Variants in PDLIM2 observed in about 807,000 individuals in gnomAD.
The protein encoded by PDLIM2 is PDZ and LIM domain protein 2.
A neutral mutation model predicts 54.1 loss-of-function variants in PDLIM2; 51 were observed. The ratio of observed to expected loss-of-function variants is 0.94; its 90% confidence interval spans 0.75 to 1.19. The LOEUF (loss-of-function observed/expected upper bound fraction) is 1.19, where lower values mean the gene tolerates loss of function less well. Ranked by LOEUF, PDLIM2 falls within the 50% of genes most tolerant of loss-of-function variation. PDLIM2 has a pLI of 0.00. For missense variants in PDLIM2, 912 were observed against 874.0 expected (o/e 1.04, Z -0.55); for synonymous variants, 398 against 385.6 (o/e 1.03, Z -0.38).
rs369965465 is a variant in PDLIM2 at position 22,585,023 on chromosome 8, G to C, written c.1072G>C (p.Val358Leu). 305 of 1,613,762 alleles carry C rather than the reference G, an allele frequency of 1.9e-4. No individual in the cohort carries two copies. Among genetic ancestry groups the C allele is most frequent in the Non-Finnish European group, 2.5e-4 (294 of 1,179,944 alleles). The change falls in exon 5 of 10, where the codon GTG becomes CTG. Residue 358 changes from valine to leucine, a missense_variant. Val to Leu is a conservative substitution (Grantham distance 32, BLOSUM62 1). Coordinates refer to ENST00000308354, the Ensembl canonical transcript of PDLIM2. ...ACAGTCACTCTCTCCACAGGGCTCC[G>C]TGAGGACATACACTGAGAGTCAGTC...
At chr8:22,579,677 T>G in intron 1 of PDLIM2, 1 of 981,712 alleles carries the variant, frequency 1.0e-6, no homozygotes, top group Non-Finnish European at 1.4e-6. Context: ...CTCGCAGCAC[T>G]TGCGTCCCCA....
At chr8:22,580,689 G>T in exon 2 of PDLIM2, 1 of 1,613,990 alleles carries the variant, frequency 6.2e-7, no homozygotes, top group East Asian at 2.2e-5. Flanking sequence ...GCCCATCATG[G>T]TGACTAAGGT....
At chr8:22,595,250 C>T (rs1006735382), downstream of PDLIM2, 2 of 152,312 alleles carry the variant, frequency 1.3e-5, no homozygotes, top group Non-Finnish European at 2.9e-5. Flanking sequence ...ATATAATTTA[C>T]ACCATGATAT....
chr8:22,579,540 C>A, intron 1 of PDLIM2: 1 of 1,450,338 alleles, frequency 6.9e-7, no homozygotes, highest in Non-Finnish European at 9.1e-7. Context: ...CTGGGAATCT[C>A]GGGGCGGCCG....
intron 8 of PDLIM2, chr8:22,590,120 G>A (rs1354167462): frequency 4.8e-6 from 1 of 207,532 alleles, no homozygotes; most frequent in African/African-American, 2.4e-5. Context: ...GCATTAAGAG[G>A]GTGGCAGGAA....
intron 2 of PDLIM2, 61 bp downstream of exon 1, chr8:22,580,758 AC>A: frequency 6.5e-7 from 1 of 1,530,532 alleles, no homozygotes; most frequent in Non-Finnish European, 9.0e-7. Context: ...GGCCCTGTTC[AC>A]CCCACTCTGC....
At chr8:22,589,501 T>TGC in intron 7 of PDLIM2, 95 bp from the exon 7 acceptor site, 6 of 1,503,322 alleles carry the variant, frequency 4.0e-6, no homozygotes, top group Non-Finnish European at 5.4e-6. Context: ...CCCAGATTCC[T>TGC]CCCCCTCCCC....
At chr8:22,589,532 C>A (rs753682413) in intron 7 of PDLIM2, 64 bp from the exon 7 acceptor site, 6 of 1,551,208 alleles carry the variant, frequency 3.9e-6, no homozygotes, top group Non-Finnish European at 5.2e-6. Context: ...TCCTGCCCCC[C>A]ACCCCCTTGC....
chr8:22,583,954 C>T (rs1185093919), intron 3 of PDLIM2, among the ~76,000 whole-genome samples: 1 of 143,442 alleles, frequency 7.0e-6, no homozygotes, highest in Non-Finnish European at 1.5e-5. Context: ...TATGTACGTT[C>T]TACTTTTTAG....
chr8:22,589,305 T>G, exon 7 of PDLIM2: 1 of 1,533,976 alleles, frequency 6.5e-7, no homozygotes, highest in Non-Finnish European at 8.7e-7. Context: ...CAGGCCGGCC[T>G]CGGCCGCGCT....
rs903768965 is a variant in PDLIM2 at position 22,580,339 on chromosome 8, C to A, written c.749-264C>A. The A allele has an allele frequency of 1.3e-5, 9 of 718,890 alleles. No individual in the cohort carries two copies. In the African/African-American group the frequency reaches 1.5e-4, roughly 12 times the overall value. 44.5% of individuals were successfully genotyped at this position (718,890 alleles called of 1,614,324 possible). On this transcript the variant is annotated intron_variant, in intron 1 of 9. Coordinates refer to ENST00000308354, the Ensembl canonical transcript of PDLIM2. ...CAAGCCCCCTGCCTGGCAGCCTGGG[C>A]AGCCCCCTCCTGGGAGTCGCTCCCT...
chr8:22,585,066 A>G (rs147755858), exon 5 of PDLIM2: 2 of 1,613,512 alleles, frequency 1.2e-6, no homozygotes, highest in Non-Finnish European at 1.7e-6. Context: ...AGGTCCTCCT[A>G]CTCCAGCCCA....
chr8:22,585,494 A>G, intron 6 of PDLIM2, 95 bp downstream of exon 5: 1 of 1,247,552 alleles, frequency 8.0e-7, no homozygotes, highest in Non-Finnish European at 1.1e-6. Context: ...GGCCAGGCCC[A>G]CCTGGGCAGC....
At position 22,585,311 on chromosome 8, in the gene PDLIM2, C is replaced by A. The variant is rs921825862; in HGVS notation, c.1212-10C>A. 4.3e-6 allele frequency: 7 copies of A among 1,612,822 alleles called. No homozygotes were observed. Among genetic ancestry groups the A allele is most frequent in the East Asian group, 4.5e-5 (2 of 44,876 alleles). On this transcript the variant is annotated splice_polypyrimidine_tract_variant and intron_variant, in intron 5 of 9. Transcript: ENST00000308354. ...GGCCCTGGCACACACTGTCCCTTTC[C>A]CACTTTCAGCTTCCAGAGTCTGGCA...
exon 1 of PDLIM2, chr8:22,579,517 C>T (rs1208032095): frequency 6.7e-7 from 1 of 1,503,058 alleles, no homozygotes. Flanking sequence ...AGTCCACTGA[C>T]CGGCTCAAAG....
Position 22,591,540 on chromosome 8 carries a change from C to T in PDLIM2, c.1514-11C>T. 6 of 1,611,820 alleles carry T rather than the reference C, an allele frequency of 3.7e-6. No homozygotes were observed. The highest frequency in any genetic ancestry group is 5.1e-6 in the Non-Finnish European group (6 of 1,178,480). ...GGGCTCTCACCACATGTCTGTCTGC[C>T]CTGCCCCCAGGTGGCACGCCAGCCT... On this transcript the variant is annotated splice_polypyrimidine_tract_variant and intron_variant, in intron 8 of 9. Transcript: ENST00000308354.
At chr8:22,591,666 C>T (rs748410842) in exon 9 of PDLIM2, 16 of 1,608,574 alleles carry the variant, frequency 9.9e-6, no homozygotes, top group African/African-American at 2.7e-5. Context: ...GTACCAGCAT[C>T]GCGTGAGTGT....
In PDLIM2 at chr8:22,589,384, G is replaced by C. The variant is rs1800468997; in HGVS notation, c.1367+10G>C. On this transcript the variant is annotated intron_variant, in intron 7 of 9. Coordinates refer to ENST00000308354, the Ensembl canonical transcript of PDLIM2. ...GTTCCTCCAGGCCCAGGTACCAGCA[G>C]GCCCCGGAGGGTCGGGTTGGGGTCT... 1 of 1,535,566 alleles carries C rather than the reference G, an allele frequency of 6.5e-7. No individual in the cohort carries two copies. The highest frequency in any genetic ancestry group is 2.0e-5 in the Admixed American group (1 of 50,880).
chr8:22,594,704 C>T (rs1438390634), downstream of PDLIM2: 1 of 1,565,164 alleles, frequency 6.4e-7, no homozygotes, highest in Non-Finnish European at 8.6e-7. Context: ...CCCCCGGGGC[C>T]AGGTTGATCT....
Sources: gnomAD v4.1 joint callset for allele counts (sites outside exome capture counted in the v4.1 genomes callset) on GRCh38, gnomAD v4.1.1 for gene constraint, MANE v1.5 for transcripts, NCBI Gene and HGNC (gene_info 2026-07-23, HGNC 2026-07-21) for gene names.